Variants in EXT2 observed in about 807,000 individuals in gnomAD.
The protein encoded by EXT2 is exostosin-2.
A neutral mutation model predicts 81.6 loss-of-function variants in EXT2; 53 were observed. That is an observed-to-expected ratio of 0.65 (90% CI 0.52 to 0.82). The LOEUF (loss-of-function observed/expected upper bound fraction) is 0.82. Ranked by LOEUF, EXT2 falls within the 40% of genes least tolerant of loss-of-function variation. The pLI is 0.00. For synonymous variants in EXT2, 320 were observed against 340.0 expected (o/e 0.94, Z 0.65); for missense variants, 774 against 910.2 (o/e 0.85, Z 1.93).
intron 7 of EXT2, among the ~76,000 whole-genome samples, chr11:44,130,633 C>T (rs1283687463): frequency 1.3e-5 from 2 of 152,242 alleles, no homozygotes; most frequent in Non-Finnish European, 2.9e-5. Context: ...TACCTTCTGA[C>T]ACCCCATTCC....
chr11:44,145,858 A>G (rs1430931038), intron 7 of EXT2, among the ~76,000 whole-genome samples: 2 of 152,268 alleles, frequency 1.3e-5, no homozygotes, highest in Non-Finnish European at 2.9e-5. Context: ...ACTATACACA[A>G]TTCAGAGCTG....
At chr11:44,222,641 G>A (rs531082636) in intron 10 of EXT2, among the ~76,000 whole-genome samples, 8 of 151,220 alleles carry the variant, frequency 5.3e-5, no homozygotes, top group Admixed American at 2.6e-4. Context: ...TTAACTGAAA[G>A]TGAATCAGAT....
chr11:44,150,040 G>C (rs1954772245), intron 7 of EXT2, among the ~76,000 whole-genome samples: 1 of 152,216 alleles, frequency 6.6e-6, no homozygotes, highest in Non-Finnish European at 1.5e-5. Flanking sequence ...ACATGCTAGG[G>C]AAACATGGCC....
chr11:44,238,052 G>A (rs2135271614), intron 13 of EXT2, among the ~76,000 whole-genome samples: 1 of 152,138 alleles, frequency 6.6e-6, no homozygotes, highest in Non-Finnish European at 1.5e-5. Context: ...TCGTGCCATT[G>A]CACTCCAGCC....
At chr11:44,192,692 A>G (rs886499679) in intron 8 of EXT2, among the ~76,000 whole-genome samples, 6 of 152,150 alleles carry the variant, frequency 3.9e-5, no homozygotes, top group Non-Finnish European at 7.4e-5. Flanking sequence ...GGTAGATACT[A>G]TCATGATCCC....
chr11:44,179,940 T>C (rs983320849), intron 8 of EXT2, among the ~76,000 whole-genome samples: 2 of 152,228 alleles, frequency 1.3e-5, no homozygotes, highest in Admixed American at 1.3e-4. Flanking sequence ...AAATTTCTAA[T>C]AAATGGGTCA....
intron 7 of EXT2, among the ~76,000 whole-genome samples, chr11:44,151,068 A>G (rs2135082219): frequency 6.6e-6 from 1 of 152,318 alleles, no homozygotes; most frequent in African/African-American, 2.4e-5. Context: ...GATTTTTTAA[A>G]TTAATAAACT....
intron 13 of EXT2, among the ~76,000 whole-genome samples, chr11:44,237,105 T>C (rs1955974597): frequency 6.6e-6 from 1 of 152,182 alleles, no homozygotes; most frequent in African/African-American, 2.4e-5. Flanking sequence ...CAGCAAACTC[T>C]GACATCCCAG....
At position 44,109,258 on chromosome 11, in the gene EXT2, A is replaced by G; in HGVS notation, c.601A>G (p.Thr201Ala). Residue 201 changes from threonine (T) to alanine (A), a missense_variant, in exon 3 of 14, where the codon ACA becomes GCA. Physicochemically the swap from Thr to Ala is moderately conservative, Grantham distance 58 (BLOSUM62 0). Transcript: ENST00000533608. ...MLPGGPPDYN[T>A]ALDVPRDRAL... Reference sequence around the variant, plus strand: ...GCCTGGAGGTCCCCCAGATTATAACACAGCCCTGGATGTCCCCAGAGACAG... The same window carrying G: ...GCCTGGAGGTCCCCCAGATTATAACGCAGCCCTGGATGTCCCCAGAGACAG... The G allele has an allele frequency of 6.2e-7, 1 of 1,614,120 alleles. No homozygotes were observed. The highest frequency in any genetic ancestry group is 8.5e-7 in the Non-Finnish European group (1 of 1,179,986).
At chr11:44,171,542 A>ATC in intron 7 of EXT2, 69 bp from the exon 8 acceptor site, 2 of 1,610,674 alleles carry the variant, frequency 1.2e-6, no homozygotes, top group South Asian at 2.2e-5. Context: ...GGAGTTGACT[A>ATC]TGATAGAGTA....
At chr11:44,161,474 C>T (rs1954926709) in intron 7 of EXT2, among the ~76,000 whole-genome samples, 1 of 151,906 alleles carries the variant, frequency 6.6e-6, no homozygotes, top group Non-Finnish European at 1.5e-5. Context: ...TACTATACTC[C>T]AGTCTGGGCA....
intron 7 of EXT2, among the ~76,000 whole-genome samples, chr11:44,163,149 C>T (rs1954949465): frequency 6.6e-6 from 1 of 152,176 alleles, no homozygotes; most frequent in East Asian, 1.9e-4. Context: ...CAAAAACCTC[C>T]AGTCCACAAG....
chr11:44,180,613 A>T (rs1370494313), intron 8 of EXT2, among the ~76,000 whole-genome samples: 1 of 152,102 alleles, frequency 6.6e-6, no homozygotes, highest in Non-Finnish European at 1.5e-5. Context: ...GTCTGCAGTG[A>T]TTGCTCTCCA....
rs549672804 is a variant in EXT2, at chr11:44,153,933, T to A, written c.1174-17678T>A. On this transcript the variant is annotated intron_variant, in intron 7 of 13. Coordinates refer to ENST00000533608, the MANE Select transcript of EXT2 (RefSeq NM_207122.2). ...AATACTGGTTGTTGTTGTTTTTTTT[T>A]AGAATTTTTTGCTTCTATTTTCATG... Among the ~76,000 whole-genome samples the A allele has an allele frequency of 3.3e-5, 5 of 152,098 alleles. No individual in the cohort carries two copies. In the East Asian group the frequency reaches 9.6e-4, roughly 29 times the overall value.
intron 13 of EXT2, among the ~76,000 whole-genome samples, chr11:44,243,639 T>A (rs528025499): frequency 6.6e-6 from 1 of 150,502 alleles, no homozygotes; most frequent in African/African-American, 2.4e-5. Flanking sequence ...TTTTTTTTTT[T>A]TTTTGCCTTT....
chr11:44,112,274 C>A (rs774897987), intron 3 of EXT2, among the ~76,000 whole-genome samples: 5 of 152,162 alleles, frequency 3.3e-5, no homozygotes, highest in Admixed American at 3.3e-4. Context: ...TCAGAGGAGA[C>A]GTCCCAGAAT....
chr11:44,223,220 G>A (rs754143162), intron 10 of EXT2, among the ~76,000 whole-genome samples: 5 of 152,170 alleles, frequency 3.3e-5, no homozygotes, highest in Non-Finnish European at 5.9e-5. Flanking sequence ...AATAGTTTTG[G>A]TAGTTTCTTA....
intron 10 of EXT2, among the ~76,000 whole-genome samples, chr11:44,228,165 G>A (rs1012704222): frequency 7.2e-5 from 11 of 152,120 alleles, no homozygotes; most frequent in Admixed American, 5.2e-4. Flanking sequence ...CCAAAGATGC[G>A]TGCAATTTAA....
At chr11:44,205,408 T>C (rs1955570330) in intron 9 of EXT2, among the ~76,000 whole-genome samples, 1 of 152,238 alleles carries the variant, frequency 6.6e-6, no homozygotes, top group Non-Finnish European at 1.5e-5. Context: ...GTGCCAAGAA[T>C]GAAACTATAA....
Sources: allele counts gnomAD v4.1 joint callset (sites outside exome capture counted in the v4.1 genomes callset), GRCh38; gene constraint gnomAD v4.1.1; transcripts MANE v1.5; gene names NCBI Gene and HGNC (gene_info 2026-07-23, HGNC 2026-07-21).